The following GPT variants were observed in gnomAD, a reference collection of about 807,000 sequenced individuals.
GPT encodes the protein glutamic--pyruvic transaminase, also known as alanine aminotransferase 1.
Under a neutral mutation model 51.4 loss-of-function variants are expected in GPT, and 60 were observed. The ratio of observed to expected loss-of-function variants is 1.17; its 90% confidence interval spans 0.95 to 1.45. The LOEUF is 1.45. Ranked by LOEUF, GPT falls within the 40% of genes most tolerant of loss-of-function variation. The pLI is 0.00. For synonymous variants in GPT, 397 were observed against 303.1 expected, an observed-to-expected ratio of 1.31 and a Z score of -3.22; for missense variants, 853 against 704.0, an observed-to-expected ratio of 1.21 and a Z score of -2.40.
At chr8:144,504,042 T>C, upstream of GPT, 1 of 553,246 alleles carries the variant, frequency 1.8e-6, no homozygotes, top group Non-Finnish European at 3.3e-6. Flanking sequence ...GCCTGCCACC[T>C]CACCCACTGC....
Position 144,506,568 on chromosome 8 carries a change from CT to C in GPT, c.1200del (p.Pro401LeufsTer68). Reference sequence around the variant, plus strand: ...CTCACCGAGCAGGTCTTCAATGAGGCTCCTGGCATCAGCTGCAACCCAGTGC... The same window carrying C: ...CTCACCGAGCAGGTCTTCAATGAGGCCCTGGCATCAGCTGCAACCCAGTGC... ...AKLTEQVFNE[A>X]PGISCNPVQG... is the part of the protein sequence containing the mutation. On this transcript the variant is annotated frameshift_variant, in exon 9 of 11. Transcript: ENST00000394955. LOFTEE classifies it high-confidence loss of function. This position sits in a 1 kb window ranked among gnomAD's most constrained non-coding sequence, Gnocchi z 7.0. 6.3e-7 allele frequency: 1 copy of C among 1,582,834 alleles called. No homozygotes were observed. Among genetic ancestry groups the C allele is most frequent in the Non-Finnish European group, 8.6e-7 (1 of 1,165,394 alleles).
In GPT at chr8:144,505,044, G is replaced by A; in HGVS notation, c.408G>A (p.Val136=). ...SSGIQLIRED[V]ARYIERRDGG... is the part of the protein sequence containing the mutation. ...GCATCCAGCTGATCCGGGAGGACGT[G>A]GCGCGGTACATTGAGAGGCGTGACG... Residue 136 remains valine, a synonymous_variant, in exon 4 of 11, where the codon GTG becomes GTA. Coordinates refer to ENST00000394955, the MANE Select transcript of GPT (RefSeq NM_005309.3). 6.2e-7 allele frequency: 1 copy of A among 1,613,172 alleles called. No homozygotes were observed. The highest frequency in any genetic ancestry group is 8.5e-7 in the Non-Finnish European group (1 of 1,180,000).
At position 144,505,418 on chromosome 8, in the gene GPT, G is replaced by T. The variant is rs748409747; in HGVS notation, c.668G>T (p.Arg223Leu). ...AWALDVAELH[R>L]ALGQARDHCR... is the part of the protein sequence containing the mutation. ...GCGCTGGACGTGGCCGAGCTTCACC[G>T]TGCACTGGGCCAGGCGCGTGACCAC... The change falls in exon 5 of 11, where the codon CGT becomes CTT. Residue 223 changes from arginine to leucine, a missense_variant. Physicochemically the swap from Arg to Leu is moderately radical, Grantham distance 102 (BLOSUM62 -2). Transcript: ENST00000394955. 11 of 1,598,944 alleles carry T rather than the reference G, an allele frequency of 6.9e-6. No individual in the cohort carries two copies. In the South Asian group the frequency reaches 1.0e-4, roughly 15 times the overall value.
rs1564776835 is a variant in GPT, at chr8:144,504,796, A to G, written c.278A>G (p.Asp93Gly). Residue 93 changes from aspartate (D) to glycine (G), a missense_variant, in exon 3 of 11, where the codon GAT (aspartate) becomes GGT (glycine). Asp to Gly is a moderately conservative substitution (Grantham distance 94). Coordinates refer to ENST00000394955, the MANE Select transcript of GPT (RefSeq NM_005309.3). Reference sequence around the variant, plus strand: ...GTCTTGGCCCTCTGTGTTAACCCTGATCTTCTGAGCAGCCCCAACTTCCCT... The same window carrying G: ...GTCTTGGCCCTCTGTGTTAACCCTGGTCTTCTGAGCAGCCCCAACTTCCCT... The part of the protein sequence containing the change: ...RQVLALCVNP[D>G]LLSSPNFPDD... 2 of 1,613,470 alleles carry G rather than the reference A, an allele frequency of 1.2e-6. No individual in the cohort carries two copies. Among genetic ancestry groups the G allele is most frequent in the South Asian group, 1.1e-5 (1 of 91,076 alleles).
Position 144,506,530 on chromosome 8 carries a change from G to A in GPT, c.1161G>A (p.Ala387=), listed in dbSNP as rs1240961617. 7 of 1,595,650 alleles carry A rather than the reference G, an allele frequency of 4.4e-6. No individual in the cohort carries two copies. Among genetic ancestry groups the A allele is most frequent in the East Asian group, 2.3e-5 (1 of 44,184 alleles). ...AGCAGGCAGTGCTGGCAGAGCTGGC[G>A]GCCAAGGCCAAGCTCACCGAGCAGG... ...AEKQAVLAEL[A]AKAKLTEQVF... Residue 387 remains alanine (A), a synonymous_variant, in exon 9 of 11, where the codon GCG becomes GCA. Transcript: ENST00000394955. The surrounding 1 kb of genome is among the most constrained non-coding windows in gnomAD (Gnocchi z 7.0).
At chr8:144,503,580 C>G (rs1240549679), upstream of GPT, among the ~76,000 whole-genome samples, 1 of 151,924 alleles carries the variant, frequency 6.6e-6, no homozygotes, top group Admixed American at 6.5e-5. Context: ...GGACCAAGGT[C>G]CAGCTACAGA....
At chr8:144,504,968 T>A (rs769246482) in intron 3 of GPT, 30 bp from the exon 4 acceptor site, 1 of 1,612,930 alleles carries the variant, frequency 6.2e-7, no homozygotes, top group South Asian at 1.1e-5. Context: ...ACTTCACCTG[T>A]ACTTCCCATC....
At chr8:144,504,559 G>T (rs369003484) in intron 1 of GPT, 45 bp from the exon 2 acceptor site, 1 of 1,609,302 alleles carries the variant, frequency 6.2e-7, no homozygotes, top group East Asian at 2.2e-5. Flanking sequence ...GGGCTGAGGG[G>T]TTAGGTAGGG....
rs1240368647 is a variant in GPT, at chr8:144,504,833, G to A, written c.315G>A (p.Lys105=). 4 of 1,613,480 alleles carry A rather than the reference G, an allele frequency of 2.5e-6. No homozygotes were observed. The Admixed American group carries it at 5.0e-5, about 20-fold the overall frequency. ...GCCCCAACTTCCCTGACGATGCCAAGAAAAGGGCGGAGCGCATCTTGCAGG... is the reference window on the plus strand; with the variant it reads ...GCCCCAACTTCCCTGACGATGCCAAAAAAAGGGCGGAGCGCATCTTGCAGG... ...LSSPNFPDDA[K]KRAERILQAC... is the part of the protein sequence containing the mutation. The change falls in exon 3 of 11, where the codon AAG becomes AAA. Residue 105 remains lysine (K), a synonymous_variant. Transcript: ENST00000394955.
rs1445936953 is a variant in GPT at position 144,505,134 on chromosome 8, A to C, written c.495+3A>C. ...CAGGGGCCAGCGATGCCATCGTGGT[A>C]GGCTGGGCATGGGCACCAAGACATT... On this transcript the variant is annotated splice_donor_region_variant and intron_variant, in intron 4 of 10. Transcript: ENST00000394955. The C allele has an allele frequency of 6.2e-7, 1 of 1,612,932 alleles. No individual in the cohort carries two copies. The highest frequency in any genetic ancestry group is 1.1e-5 in the South Asian group (1 of 91,086).
Position 144,505,470 on chromosome 8 carries a change from C to G in GPT, c.720C>G (p.Ile240Met). 1 of 1,589,684 alleles carries G rather than the reference C, an allele frequency of 6.3e-7. No homozygotes were observed. The change falls in exon 5 of 11, where the codon ATC (isoleucine) becomes ATG (methionine). Residue 240 changes from isoleucine to methionine, a missense_variant. Ile to Met is a conservative substitution (Grantham distance 10, BLOSUM62 1). Coordinates refer to ENST00000394955, the MANE Select transcript of GPT (RefSeq NM_005309.3). ...GCCGCCCTCGTGCGCTCTGTGTCAT[C>G]AACCCTGGCAACCCCACCGGTGCGT... Reference protein sequence around the residue: ...DHCRPRALCVINPGNPTGQVQ... With the variant: ...DHCRPRALCVMNPGNPTGQVQ...
upstream of GPT, among the ~76,000 whole-genome samples, chr8:144,503,577 G>A (rs1301581610): frequency 1.3e-5 from 2 of 151,592 alleles, no homozygotes; most frequent in African/African-American, 4.9e-5. Context: ...CAGGGACCAA[G>A]GTCCAGCTAC....
Position 144,506,455 on chromosome 8 carries a change from GATGCCGA to G in GPT, c.1132-45_1132-39del. 6.4e-7 allele frequency: 1 copy of G among 1,572,656 alleles called. No homozygotes were observed. The highest frequency in any genetic ancestry group is 8.6e-7 in the Non-Finnish European group (1 of 1,160,294). ...CCAGGTGACCTAATCAGGGGTGGGG[GATGCCGA>G]GTGCCGTGCCCTGATGGGCCCTCCC... On this transcript the variant is annotated intron_variant, in intron 8 of 10. Transcript: ENST00000394955. The surrounding 1 kb of genome is among the most constrained non-coding windows in gnomAD (Gnocchi z 7.0).
chr8:144,505,397 T>C lies in GPT; in HGVS notation c.647T>C (p.Leu216Pro), dbSNP rs1285638935. ...YYLDEERAWA[L>P]DVAELHRALG... ...CTGGACGAGGAGCGTGCCTGGGCGCTGGACGTGGCCGAGCTTCACCGTGCA... is the reference window on the plus strand; with the variant it reads ...CTGGACGAGGAGCGTGCCTGGGCGCCGGACGTGGCCGAGCTTCACCGTGCA... The change falls in exon 5 of 11, where the codon CTG becomes CCG. Residue 216 changes from leucine (L) to proline (P), a missense_variant. By Grantham distance (98) the Leu-to-Pro change is moderately conservative (BLOSUM62 -3). Transcript: ENST00000394955. 1.9e-6 allele frequency: 3 copies of C among 1,595,760 alleles called. No homozygotes were observed. Among genetic ancestry groups the C allele is most frequent in the Non-Finnish European group, 2.6e-6 (3 of 1,172,838 alleles).
chr8:144,504,050 T>G (rs1441401039), upstream of GPT: 4 of 561,260 alleles, frequency 7.1e-6, no homozygotes, highest in Non-Finnish European at 1.3e-5. Context: ...CCTCACCCAC[T>G]GCCTCTGCCT....
At position 144,505,130 on chromosome 8, in the gene GPT, T is replaced by C. The variant is rs1826725675; in HGVS notation, c.494T>C (p.Val165Ala). 1.2e-6 allele frequency: 2 copies of C among 1,612,944 alleles called. No individual in the cohort carries two copies. The highest frequency in any genetic ancestry group is 8.5e-7 in the Non-Finnish European group (1 of 1,179,990). ...FLSTGASDAI[V>A]TVLKLLVAGE... The stretch of plus-strand genomic sequence containing the variant: ...TCCACAGGGGCCAGCGATGCCATCG[T>C]GGTAGGCTGGGCATGGGCACCAAGA... The change falls in exon 4 of 11, where the codon GTG becomes GCG. Residue 165 changes from valine to alanine, a missense_variant and splice_region_variant. Val to Ala is a moderately conservative substitution (Grantham distance 64). Coordinates refer to ENST00000394955, the MANE Select transcript of GPT (RefSeq NM_005309.3).
At position 144,505,014 on chromosome 8, in the gene GPT, C is replaced by T; in HGVS notation, c.378C>T (p.Ser126=). The change falls in exon 4 of 11, where the codon AGC becomes AGT. Residue 126 remains serine, a synonymous_variant. Transcript: ENST00000394955. ...GGHSLGAYSV[S]SGIQLIREDV... Reference sequence around the variant, plus strand: ...CGAGTCCAGGGGCCTACAGCGTCAGCTCCGGCATCCAGCTGATCCGGGAGG... The same window carrying T: ...CGAGTCCAGGGGCCTACAGCGTCAGTTCCGGCATCCAGCTGATCCGGGAGG... 2 of 1,613,104 alleles carry T rather than the reference C, an allele frequency of 1.2e-6. No individual in the cohort carries two copies. The highest frequency in any genetic ancestry group is 1.7e-5 in the Admixed American group (1 of 60,026).
rs768436371 is a variant in GPT at position 144,506,754 on chromosome 8, GTTC to G, written c.1316_1318del (p.Phe439del). On this transcript the variant is annotated inframe_deletion, in exon 10 of 11. Transcript: ENST00000394955. This position sits in a 1 kb window ranked among gnomAD's most constrained non-coding sequence, Gnocchi z 7.0. The stretch of plus-strand genomic sequence containing the variant: ...AGGAGCTGGGCCTGGCCCCCGATAT[GTTC>G]TTCTGCCTGCGCCTCCTGGAGGAGA... 1.2e-5 allele frequency: 19 copies of G among 1,612,022 alleles called. No individual in the cohort carries two copies. The highest frequency in any genetic ancestry group is 1.7e-5 in the Admixed American group (1 of 59,986).
At position 144,507,131 on chromosome 8, in the gene GPT, C is replaced by T. The variant is rs1564779721; in HGVS notation, c.*131C>T. ...TGGGGGGGGTGCTGGGCCCCTGCCTCTCTGCAGGTCCCTAATAAAGCTGTG... is the reference window on the plus strand; with the variant it reads ...TGGGGGGGGTGCTGGGCCCCTGCCTTTCTGCAGGTCCCTAATAAAGCTGTG... On this transcript the variant is annotated 3_prime_UTR_variant, in exon 11 of 11. Transcript: ENST00000394955. 2.3e-5 allele frequency: 16 copies of T among 703,674 alleles called. No individual in the cohort carries two copies. The highest frequency in any genetic ancestry group is 2.1e-4 in the South Asian group (14 of 66,722). The allele number at this position is 703,674 out of a possible 1,614,324, so 43.6% of individuals were successfully genotyped here. A position where few individuals can be genotyped will look rare whatever the true frequency, so the allele number is the denominator to read the frequency against.
Sources: allele counts gnomAD v4.1 joint callset (sites outside exome capture counted in the v4.1 genomes callset), GRCh38; gene constraint gnomAD v4.1.1; non-coding constraint Gnocchi (gnomAD v3.1); transcripts MANE v1.5; gene names NCBI Gene and HGNC (gene_info 2026-07-23, HGNC 2026-07-21).